Variants in JAG2 observed in about 807,000 individuals in gnomAD.
JAG2 encodes the protein jagged canonical Notch ligand 2.
JAG2 carries 46 observed loss-of-function variants against 141.7 expected under a neutral mutation model. The observed-to-expected ratio is 0.32, with a 90% CI of 0.26 to 0.42. JAG2 has a LOEUF of 0.42. Ranked by LOEUF, JAG2 falls within the 10% of genes least tolerant of loss-of-function variation. The pLI is 1.00. For synonymous variants in JAG2, 862 were observed against 763.5 expected, an observed-to-expected ratio of 1.13 and a Z score of -2.13; for missense variants, 1,500 against 1,817.5, an observed-to-expected ratio of 0.83 and a Z score of 3.18.
chr14:105,149,075 C>G lies in JAG2; in HGVS notation c.1768G>C (p.Gly590Arg). ...GGACRVIDGC[G>R]SDAGPGMPGT... is the part of the protein sequence containing the mutation. ...GGCATCCCAGGCCCCGCGTCTGACC[C>G]GCAGCCATCGATCACTATGGCAGGC... Residue 590 changes from glycine (G) to arginine (R), a missense_variant, in exon 14 of 26, where the codon GGG becomes CGG. Transcript: ENST00000331782. The G allele has an allele frequency of 6.2e-7, 1 of 1,609,216 alleles. No homozygotes were observed. Among genetic ancestry groups the G allele is most frequent in the Non-Finnish European group, 8.5e-7 (1 of 1,178,768 alleles).
At chr14:105,155,334 C>T (rs1888547242) in intron 5 of JAG2, among the ~76,000 whole-genome samples, 1 of 152,158 alleles carries the variant, frequency 6.6e-6, no homozygotes, top group African/African-American at 2.4e-5. Context: ...GCCAGCCTCC[C>T]CAGTCTCTCC....
At chr14:105,145,698 C>T (rs779562809) in intron 23 of JAG2, 33 bp downstream of exon 23, 4 of 1,572,496 alleles carry the variant, frequency 2.5e-6, no homozygotes, top group Middle Eastern at 3.3e-4. Context: ...GGCGTGTGGC[C>T]TCTGCAAGCT....
chr14:105,150,963 C>A (rs1888405460), intron 10 of JAG2, 28 bp downstream of exon 10: 1 of 1,602,582 alleles, frequency 6.2e-7, no homozygotes. Flanking sequence ...CCTCGGCCCA[C>A]CCGCCGGCGC....
chr14:105,159,010 T>C (rs1370126674), intron 2 of JAG2, among the ~76,000 whole-genome samples: 1 of 151,704 alleles, frequency 6.6e-6, no homozygotes, highest in African/African-American at 2.4e-5. Flanking sequence ...CTCGGCCTCA[T>C]CCAGCTAAGG....
At chr14:105,161,829 C>G (rs587660738) in intron 2 of JAG2, among the ~76,000 whole-genome samples, 1 of 151,306 alleles carries the variant, frequency 6.6e-6, no homozygotes, top group South Asian at 2.1e-4. Context: ...GTTGCCTCCT[C>G]TGCGAATAGC....
In JAG2 at chr14:105,168,349, G is replaced by T; in HGVS notation, c.66+6C>A. 2.1e-6 allele frequency: 1 copy of T among 466,150 alleles called. No individual in the cohort carries two copies. The highest frequency in any genetic ancestry group is 3.0e-6 in the Non-Finnish European group (1 of 336,574). The allele number at this position is 466,150 out of a possible 1,614,324, so 28.9% of individuals were successfully genotyped here. A position where few individuals can be genotyped will look rare whatever the true frequency, so the allele number is the denominator to read the frequency against. On this transcript the variant is annotated splice_donor_region_variant and intron_variant, in intron 1 of 25. Transcript: ENST00000331782. ...CGACCCCCGCCGCCCCCGCCGCCCC[G>T]CTCACCTGCACCCAGAGCGCCAGCA... is the stretch of plus-strand genomic sequence containing the variant.
chr14:105,142,883 C>A lies in JAG2; in HGVS notation c.3529G>T (p.Asp1177Tyr), dbSNP rs1888101375. 6.2e-7 allele frequency: 1 copy of A among 1,604,266 alleles called. No homozygotes were observed. Among genetic ancestry groups the A allele is most frequent in the Admixed American group, 1.7e-5 (1 of 59,082 alleles). Reference sequence around the variant, plus strand: ...CGGCCCAGATCCTCGTCCTCCTCATCCTCCCTGACGGCCGCGTGGCCGGCC... The same window carrying A: ...CGGCCCAGATCCTCGTCCTCCTCATACTCCCTGACGGCCGCGTGGCCGGCC... The part of the protein sequence containing the change: ...GPAGHAAVRE[D>Y]EEDEDLGRGE... The change falls in exon 26 of 26, where the codon GAT becomes TAT. Residue 1177 changes from aspartate (D) to tyrosine (Y), a missense_variant. Around this residue, in one of 3 missense-constraint regions of JAG2, gnomAD observed 425 missense variants for 441.0 expected, o/e 0.96. Coordinates refer to ENST00000331782, the MANE Select transcript of JAG2 (RefSeq NM_002226.5).
At chr14:105,162,656 A>G (rs1595189188) in intron 2 of JAG2, among the ~76,000 whole-genome samples, 1 of 144,762 alleles carries the variant, frequency 6.9e-6, no homozygotes, top group Non-Finnish European at 1.5e-5. Context: ...GGTCCAGGGC[A>G]CCTTAAAGCC....
At position 105,148,431 on chromosome 14, in the gene JAG2, C is replaced by A; in HGVS notation, c.2029G>T (p.Asp677Tyr). The change falls in exon 16 of 26, where the codon GAC (aspartate) becomes TAC (tyrosine). Residue 677 changes from aspartate (D) to tyrosine (Y), a missense_variant. Physicochemically the swap from Asp to Tyr is radical, Grantham distance 160 (BLOSUM62 -3). Around this residue, in one of 3 missense-constraint regions of JAG2, gnomAD observed 875 missense variants for 1,202.2 expected, o/e 0.73. Coordinates refer to ENST00000331782, the MANE Select transcript of JAG2 (RefSeq NM_002226.5). Reference sequence around the variant, plus strand: ...CTGTGGCAGGGATCGGGAAGGCAGTCGTTGGGATCTGGGGGCGAGGACGCC... The same window carrying A: ...CTGTGGCAGGGATCGGGAAGGCAGTAGTTGGGATCTGGGGGCGAGGACGCC... Reference protein sequence around the residue: ...EGELCDTNPNDCLPDPCHSRG... With the variant: ...EGELCDTNPNYCLPDPCHSRG... 6.2e-7 allele frequency: 1 copy of A among 1,610,358 alleles called. No homozygotes were observed. Among genetic ancestry groups the A allele is most frequent in the South Asian group, 1.1e-5 (1 of 90,988 alleles).
intron 17 of JAG2, 41 bp from the exon 18 acceptor site, chr14:105,147,929 T>A: frequency 1.4e-6 from 2 of 1,457,892 alleles, no homozygotes; most frequent in Non-Finnish European, 1.9e-6. Flanking sequence ...CACCTGGCCC[T>A]GGGCTGGCCC....
chr14:105,148,623 C>G (rs930378693), intron 15 of JAG2, 122 bp downstream of exon 15: 1 of 999,186 alleles, frequency 1.0e-6, no homozygotes, highest in Admixed American at 2.1e-5. Context: ...GTGGCAGCAC[C>G]CCCTGGCCAG....
rs183574810 is a variant in JAG2 at position 105,146,798 on chromosome 14, C to T, written c.2480-74G>A. 2,947 of 1,215,736 alleles carry T rather than the reference C, an allele frequency of 2.4e-3. 69 individuals carry two copies. The African/African-American group carries it at 0.04, about 17-fold the overall frequency. The allele number at this position is 1,215,736 out of a possible 1,614,324, so 75.3% of individuals were successfully genotyped here. Reference sequence around the variant, plus strand: ...GCAGGACCGGCATGGCCTAGGGCAGCGGGGAGCCAGTGGCACACAGGCGCA... The same window carrying T: ...GCAGGACCGGCATGGCCTAGGGCAGTGGGGAGCCAGTGGCACACAGGCGCA... On this transcript the variant is annotated intron_variant, in intron 20 of 25. Transcript: ENST00000331782.
intron 2 of JAG2, among the ~76,000 whole-genome samples, chr14:105,161,454 A>T (rs1364739708): frequency 6.6e-6 from 1 of 152,124 alleles, no homozygotes; most frequent in Non-Finnish European, 1.5e-5. Flanking sequence ...CTCGACTCCC[A>T]GGAAACCTCA....
At chr14:105,164,671 G>A (rs587735257) in intron 2 of JAG2, among the ~76,000 whole-genome samples, 1 of 152,266 alleles carries the variant, frequency 6.6e-6, no homozygotes, top group South Asian at 2.1e-4. Flanking sequence ...CAGGGGGTGG[G>A]CTCTGTAAAA....
chr14:105,143,907 G>A (rs1472546366), intron 24 of JAG2, among the ~76,000 whole-genome samples: 2 of 150,782 alleles, frequency 1.3e-5, no homozygotes, highest in African/African-American at 2.4e-5. Flanking sequence ...AGCGAGCAGT[G>A]GGGGGAAGGG....
At position 105,151,928 on chromosome 14, in the gene JAG2, C is replaced by A. The variant is rs1246554103; in HGVS notation, c.1039+10G>T. 2 of 1,612,820 alleles carry A rather than the reference C, an allele frequency of 1.2e-6. No homozygotes were observed. The highest frequency in any genetic ancestry group is 2.7e-5 in the African/African-American group (2 of 75,060). On this transcript the variant is annotated intron_variant, in intron 7 of 25. Transcript: ENST00000331782. Reference sequence around the variant, plus strand: ...CTGGCCAGAATTTGGGTGGCCAGCCCCCCACGTACCCTTCTCACAGTTCCT... The same window carrying A: ...CTGGCCAGAATTTGGGTGGCCAGCCACCCACGTACCCTTCTCACAGTTCCT...
At position 105,167,733 on chromosome 14, in the gene JAG2, G is replaced by A. The variant is rs977323528; in HGVS notation, c.417+24C>T. On this transcript the variant is annotated intron_variant, in intron 2 of 25. Transcript: ENST00000331782. The surrounding 1 kb of genome is among the most constrained non-coding windows in gnomAD (Gnocchi z 4.8). ...CGCGGAGAGAGAGGGAAGGGCTGGA[G>A]CACGAGGGATGGAGCGCACGTACCG... The A allele has an allele frequency of 3.5e-6, 5 of 1,440,812 alleles. No individual in the cohort carries two copies. In the African/African-American group the frequency reaches 6.0e-5, roughly 17 times the overall value. The allele number at this position is 1,440,812 out of a possible 1,614,324, so 89.3% of individuals were successfully genotyped here. A position where few individuals can be genotyped will look rare whatever the true frequency, so the allele number is the denominator to read the frequency against.
At position 105,142,784 on chromosome 14, in the gene JAG2, C is replaced by G. The variant is rs1208820960; in HGVS notation, c.3628G>C (p.Gly1210Arg). Reference sequence around the variant, plus strand: ...CCTGAGGCCCAGTGGGCCGGCCTCCCCGGCGAGCGGCCAGGATCTTTGGTG... The same window carrying G: ...CCTGAGGCCCAGTGGGCCGGCCTCCGCGGCGAGCGGCCAGGATCTTTGGTG... ...KFTKDPGRSP[G>R]RPAHWASGPK... Residue 1210 changes from glycine (G) to arginine (R), a missense_variant, in exon 26 of 26, where the codon GGG (glycine) becomes CGG (arginine). Around this residue, in one of 3 missense-constraint regions of JAG2, gnomAD observed 425 missense variants for 441.0 expected, o/e 0.96. Coordinates refer to ENST00000331782, the MANE Select transcript of JAG2 (RefSeq NM_002226.5). 1.2e-6 allele frequency: 2 copies of G among 1,610,892 alleles called. No individual in the cohort carries two copies. Among genetic ancestry groups the G allele is most frequent in the South Asian group, 1.1e-5 (1 of 90,694 alleles).
At chr14:105,145,697 C>A in intron 23 of JAG2, 34 bp downstream of exon 23, 1 of 1,571,034 alleles carries the variant, frequency 6.4e-7, no homozygotes, top group East Asian at 2.4e-5. Context: ...CGGCGTGTGG[C>A]CTCTGCAAGC....
Sources: gnomAD v4.1 joint callset for allele counts (sites outside exome capture counted in the v4.1 genomes callset) on GRCh38, gnomAD v4.1.1 for gene constraint, gnomAD v4.1.1 regional missense constraint, Gnocchi (gnomAD v3.1) non-coding constraint, MANE v1.5 for transcripts, NCBI Gene and HGNC (gene_info 2026-07-23, HGNC 2026-07-21) for gene names.